ANKRD31: variants seen among roughly 807,000 people sequenced by gnomAD.
ANKRD31 encodes ankyrin repeat domain 31, also known as ankyrin repeat domain-containing protein 31.
A neutral mutation model predicts 186.0 loss-of-function variants in ANKRD31; 147 were observed. That is an observed-to-expected ratio of 0.79 (90% CI 0.69 to 0.91). The LOEUF (loss-of-function observed/expected upper bound fraction) is 0.91, where lower values mean the gene tolerates loss of function less well. Ranked by LOEUF, ANKRD31 falls within the 40% of genes least tolerant of loss-of-function variation. The pLI is 0.00. For synonymous variants in ANKRD31, 673 were observed against 736.4 expected, an observed-to-expected ratio of 0.91 and a Z score of 1.39; for missense variants, 1,986 against 2,148.8, an observed-to-expected ratio of 0.92 and a Z score of 1.50.
chr5:75,131,512 A>G (rs2150111337), intron 17 of ANKRD31, among the ~76,000 whole-genome samples: 1 of 152,276 alleles, frequency 6.6e-6, no homozygotes, highest in African/African-American at 2.4e-5. Context: ...AGCAGCGGGG[A>G]GGCTCAAAAT....
At chr5:75,171,053 TA>T (rs201732139) in intron 10 of ANKRD31, among the ~76,000 whole-genome samples, 4 of 151,344 alleles carry the variant, frequency 2.6e-5, no homozygotes, top group East Asian at 1.9e-4. Flanking sequence ...AACATCTCTC[TA>T]AAAAAAAATG....
intron 10 of ANKRD31, among the ~76,000 whole-genome samples, chr5:75,179,944 T>A (rs1003599800): frequency 3.0e-4 from 46 of 152,172 alleles, no homozygotes; most frequent in Non-Finnish European, 6.3e-4. Context: ...AGTCAAATTG[T>A]CCCTGTTTTC....
At position 75,145,972 on chromosome 5, in the gene ANKRD31, C is replaced by A; in HGVS notation, c.3424+15G>T. ...CTATAGGAAATATGTACAGATTAAG[C>A]AATATTACTAATACCTGGTTTGTGA... On this transcript the variant is annotated intron_variant, in intron 14 of 25. Transcript: ENST00000506364. 7.0e-7 allele frequency: 1 copy of A among 1,433,094 alleles called. No homozygotes were observed. Among genetic ancestry groups the A allele is most frequent in the Non-Finnish European group, 9.2e-7 (1 of 1,091,542 alleles). 88.8% of individuals were successfully genotyped at this position (1,433,094 alleles called of 1,614,324 possible).
At chr5:75,098,187 G>T (rs1483316235) in intron 22 of ANKRD31, among the ~76,000 whole-genome samples, 1 of 151,998 alleles carries the variant, frequency 6.6e-6, no homozygotes, top group East Asian at 1.9e-4. Context: ...TAGAGATGGG[G>T]TTTCACTGTG....
At chr5:75,150,528 A>T (rs1335373202) in intron 12 of ANKRD31, among the ~76,000 whole-genome samples, 2 of 152,012 alleles carry the variant, frequency 1.3e-5, no homozygotes. Flanking sequence ...AAATATTCAA[A>T]CCATCTGGTG....
At chr5:75,184,324 T>G (rs973551316) in intron 10 of ANKRD31, among the ~76,000 whole-genome samples, 11 of 152,094 alleles carry the variant, frequency 7.2e-5, no homozygotes, top group African/African-American at 2.7e-4. Context: ...AAATGCTTCA[T>G]GACACTAGGC....
At chr5:75,085,515 C>T (rs769648020) in intron 23 of ANKRD31, among the ~76,000 whole-genome samples, 4 of 152,004 alleles carry the variant, frequency 2.6e-5, no homozygotes, top group African/African-American at 7.3e-5. Flanking sequence ...GCCTCCCATG[C>T]CTTAGCCTCC....
At chr5:75,154,881 C>A (rs892959476) in intron 11 of ANKRD31, among the ~76,000 whole-genome samples, 2 of 152,092 alleles carry the variant, frequency 1.3e-5, no homozygotes, top group Non-Finnish European at 2.9e-5. Flanking sequence ...ACTACTGTTA[C>A]TACTTCTCAA....
chr5:75,149,505 C>A (rs1395292670), intron 12 of ANKRD31, among the ~76,000 whole-genome samples: 1 of 151,864 alleles, frequency 6.6e-6, no homozygotes, highest in Non-Finnish European at 1.5e-5. Flanking sequence ...TCACATTATA[C>A]AGGTGAAAAA....
intron 13 of ANKRD31, 118 bp from the exon 14 acceptor site, chr5:75,147,623 T>G: frequency 1.2e-6 from 1 of 815,516 alleles, no homozygotes; most frequent in Non-Finnish European, 1.8e-6. Flanking sequence ...TCTAATTCAA[T>G]CTAACCACAG....
chr5:75,214,895 A>G (rs1756870507), intron 3 of ANKRD31, among the ~76,000 whole-genome samples: 1 of 152,208 alleles, frequency 6.6e-6, no homozygotes, highest in Non-Finnish European at 1.5e-5. Flanking sequence ...TGCCCACTGT[A>G]TTAGTCAGGA....
chr5:75,099,934 C>T (rs965154152), intron 22 of ANKRD31, among the ~76,000 whole-genome samples: 1 of 152,102 alleles, frequency 6.6e-6, no homozygotes, highest in Non-Finnish European at 1.5e-5. Flanking sequence ...CAGTTCTGCT[C>T]TTATCTTAGT....
At chr5:75,148,775 C>T (rs1485987803) in intron 12 of ANKRD31, 147 bp from the exon 13 acceptor site, 2 of 540,742 alleles carry the variant, frequency 3.7e-6, no homozygotes, top group African/African-American at 1.9e-5. Context: ...GCACATACAA[C>T]ATTCCTATAA....
intron 11 of ANKRD31, among the ~76,000 whole-genome samples, chr5:75,168,464 T>G (rs1383861256): frequency 6.6e-6 from 1 of 152,188 alleles, no homozygotes; most frequent in Non-Finnish European, 1.5e-5. Context: ...ATCTTAATGT[T>G]ACCATTTATT....
chr5:75,189,020 T>C (rs1269850674), intron 9 of ANKRD31, among the ~76,000 whole-genome samples: 1 of 152,096 alleles, frequency 6.6e-6, no homozygotes, highest in Non-Finnish European at 1.5e-5. Flanking sequence ...TAATATATTA[T>C]CAAATTTAAT....
At chr5:75,155,985 C>T (rs184527357) in intron 11 of ANKRD31, among the ~76,000 whole-genome samples, 4 of 152,010 alleles carry the variant, frequency 2.6e-5, no homozygotes, top group Admixed American at 2.6e-4. Flanking sequence ...TAGCTCACTG[C>T]AACCTCTGCC....
chr5:75,178,062 A>G (rs927679890), intron 10 of ANKRD31, among the ~76,000 whole-genome samples: 2 of 152,162 alleles, frequency 1.3e-5, no homozygotes, highest in African/African-American at 4.8e-5. Context: ...ATGGAAGACA[A>G]AAAAAGGCAG....
intron 11 of ANKRD31, among the ~76,000 whole-genome samples, chr5:75,155,876 T>A (rs1199236034): frequency 5.3e-5 from 8 of 151,864 alleles, no homozygotes; most frequent in Non-Finnish European, 7.4e-5. Flanking sequence ...CATCTTCCTA[T>A]AATAAAATGA....
chr5:75,145,601 T>A (rs1751376597), intron 14 of ANKRD31, among the ~76,000 whole-genome samples: 1 of 151,748 alleles, frequency 6.6e-6, no homozygotes, highest in Admixed American at 6.6e-5. Flanking sequence ...GGGCTACTGG[T>A]GGGATAGCAT....
Sources: gnomAD v4.1 joint callset for allele counts (sites outside exome capture counted in the v4.1 genomes callset) on GRCh38, gnomAD v4.1.1 for gene constraint, MANE v1.5 for transcripts, NCBI Gene and HGNC (gene_info 2026-07-23, HGNC 2026-07-21) for gene names.